The following CTNNA3 variants were observed in gnomAD, a reference collection of about 807,000 sequenced individuals.
The protein encoded by CTNNA3 is catenin alpha 3, also known as catenin alpha-3.
CTNNA3 carries 76 observed loss-of-function variants against 95.7 expected under a neutral mutation model. That is an observed-to-expected ratio of 0.79 (90% CI 0.66 to 0.96). The LOEUF is 0.96. Among genes scored for constraint, CTNNA3 ranks in the 40% least tolerant of loss-of-function variants. CTNNA3 has a pLI of 0.00. For missense variants in CTNNA3, 1,191 were observed against 1,089.8 expected (o/e 1.09, Z -1.31); for synonymous variants, 431 against 374.4 (o/e 1.15, Z -1.74).
chr10:66,642,911 C>G (rs1450594536), intron 9 of CTNNA3, among the ~76,000 whole-genome samples: 2 of 152,068 alleles, frequency 1.3e-5, no homozygotes, highest in Non-Finnish European at 2.9e-5. Context: ...GTGAAAGTAC[C>G]TGTTTCTAGA....
At chr10:67,341,480 C>T (rs1842188704) in intron 5 of CTNNA3, among the ~76,000 whole-genome samples, 1 of 152,172 alleles carries the variant, frequency 6.6e-6, no homozygotes, top group South Asian at 2.1e-4. Flanking sequence ...TTTCACTTAA[C>T]TTAATGATCT....
chr10:66,313,742 A>T (rs566796066), intron 12 of CTNNA3, among the ~76,000 whole-genome samples: 1 of 152,356 alleles, frequency 6.6e-6, no homozygotes, highest in African/African-American at 2.4e-5. Flanking sequence ...TGACATAAAG[A>T]CACTCAACAC....
intron 9 of CTNNA3, among the ~76,000 whole-genome samples, chr10:66,642,306 A>ACACACAC (rs1845547917): frequency 6.6e-6 from 1 of 150,486 alleles, no homozygotes; most frequent in African/African-American, 2.4e-5. Context: ...ACACACACAC[A>ACACACAC]AAACCTGATA....
At chr10:66,546,791 G>A (rs1564525159) in intron 10 of CTNNA3, among the ~76,000 whole-genome samples, 1 of 152,104 alleles carries the variant, frequency 6.6e-6, no homozygotes, top group African/African-American at 2.4e-5. Flanking sequence ...TGGGGATCAT[G>A]GGGATTACAA....
At chr10:66,787,108 T>C (rs2132865072) in intron 7 of CTNNA3, among the ~76,000 whole-genome samples, 1 of 152,326 alleles carries the variant, frequency 6.6e-6, no homozygotes, top group East Asian at 1.9e-4. Context: ...AAACCTCTAC[T>C]TAGTGAGTCA....
intron 7 of CTNNA3, among the ~76,000 whole-genome samples, chr10:66,833,579 T>C (rs4259735): frequency 0.26 from 39,993 of 152,112 alleles, 6,525 homozygotes; most frequent in Non-Finnish European, 0.38. Context: ...TTCAGAGAAG[T>C]TCATTGACTT....
At chr10:66,840,531 T>C (rs894921905) in intron 7 of CTNNA3, among the ~76,000 whole-genome samples, 2 of 152,074 alleles carry the variant, frequency 1.3e-5, no homozygotes, top group African/African-American at 4.8e-5. Context: ...CCTGAAACTT[T>C]GTAAAATCAG....
intron 11 of CTNNA3, among the ~76,000 whole-genome samples, chr10:66,464,095 C>T (rs768200506): frequency 1.6e-4 from 24 of 151,836 alleles, no homozygotes; most frequent in Non-Finnish European, 2.6e-4. Context: ...CCAAGAGTTA[C>T]GGGAAAGGGA....
chr10:67,478,877 C>A (rs1444094695), intron 5 of CTNNA3, among the ~76,000 whole-genome samples: 1 of 150,294 alleles, frequency 6.7e-6, no homozygotes, highest in African/African-American at 2.4e-5. Context: ...ATCGCTCACA[C>A]ACACATAATG....
chr10:66,420,169 A>G (rs1252310160), intron 11 of CTNNA3, among the ~76,000 whole-genome samples: 1 of 152,224 alleles, frequency 6.6e-6, no homozygotes, highest in African/African-American at 2.4e-5. Flanking sequence ...TAAGATACTC[A>G]AACAATTCAA....
At chr10:67,156,392 T>G (rs1459339111) in intron 7 of CTNNA3, among the ~76,000 whole-genome samples, 1 of 152,130 alleles carries the variant, frequency 6.6e-6, no homozygotes, top group African/African-American at 2.4e-5. Flanking sequence ...ACTTAAAATA[T>G]TTCTTCTTTT....
chr10:66,951,401 C>G (rs1848533426), intron 7 of CTNNA3, among the ~76,000 whole-genome samples: 1 of 152,196 alleles, frequency 6.6e-6, no homozygotes. Context: ...CAGGCATAAG[C>G]CACCATGCCC....
At chr10:66,876,957 C>T (rs1844649361) in intron 7 of CTNNA3, among the ~76,000 whole-genome samples, 1 of 152,078 alleles carries the variant, frequency 6.6e-6, no homozygotes, top group Admixed American at 6.6e-5. Context: ...CTTTTAAAGA[C>T]TAGAGTGAGT....
At position 66,562,067 on chromosome 10, in the gene CTNNA3, C is replaced by T. The variant is rs546536860; in HGVS notation, c.1375-41294G>A. ...GAATAGAACTAGGAGTCAGAAATTA[C>T]TATGAAAACCTAAGGCCTGGAGTTT... On this transcript the variant is annotated intron_variant, in intron 10 of 17. Coordinates refer to ENST00000433211, the MANE Select transcript of CTNNA3 (RefSeq NM_013266.4). 4.6e-5 allele frequency among the ~76,000 whole-genome samples: 7 copies of T among 152,132 alleles called. No homozygotes were observed. The East Asian group carries it at 1.4e-3, about 29-fold the overall frequency.
At chr10:66,808,354 A>G (rs566603088) in intron 7 of CTNNA3, among the ~76,000 whole-genome samples, 1 of 152,296 alleles carries the variant, frequency 6.6e-6, no homozygotes, top group South Asian at 2.1e-4. Flanking sequence ...CACACATGGA[A>G]TATTGTGTTC....
At chr10:66,698,022 G>GA (rs1193838291) in intron 9 of CTNNA3, among the ~76,000 whole-genome samples, 1 of 151,904 alleles carries the variant, frequency 6.6e-6, no homozygotes, top group South Asian at 2.1e-4. Context: ...TTCTGAACAA[G>GA]AAAAAAATCT....
chr10:66,084,710 T>C (rs986735853), intron 14 of CTNNA3, among the ~76,000 whole-genome samples: 1 of 152,142 alleles, frequency 6.6e-6, no homozygotes, highest in African/African-American at 2.4e-5. Context: ...AATCCCCAAG[T>C]GAGTTATGAA....
intron 7 of CTNNA3, among the ~76,000 whole-genome samples, chr10:67,065,703 G>C (rs1856032392): frequency 6.6e-6 from 1 of 152,008 alleles, no homozygotes; most frequent in Admixed American, 6.6e-5. Flanking sequence ...AGAACTCCAA[G>C]GTCCTAGATA....
intron 9 of CTNNA3, among the ~76,000 whole-genome samples, chr10:66,719,250 T>C (rs1030534544): frequency 5.9e-5 from 9 of 152,204 alleles, no homozygotes; most frequent in Non-Finnish European, 8.8e-5. Context: ...TATGTCTTAA[T>C]AGTGTTTTTA....
Sources: gnomAD v4.1 joint callset for allele counts (sites outside exome capture counted in the v4.1 genomes callset) on GRCh38, gnomAD v4.1.1 for gene constraint, MANE v1.5 for transcripts, NCBI Gene and HGNC (gene_info 2026-07-23, HGNC 2026-07-21) for gene names.